The following ALG11 variants were observed in gnomAD, a reference collection of about 807,000 sequenced individuals.
The protein encoded by ALG11 is GDP-Man:Man(3)GlcNAc(2)-PP-Dol alpha-1,2-mannosyltransferase.
A neutral mutation model predicts 38.8 loss-of-function variants in ALG11; 26 were observed. The ratio of observed to expected loss-of-function variants is 0.67; its 90% CI spans 0.49 to 0.93. The LOEUF (loss-of-function observed/expected upper bound fraction) is 0.93, where lower values mean the gene tolerates loss of function less well. Ranked by LOEUF, ALG11 falls within the 40% of genes least tolerant of loss-of-function variation. The pLI is 0.00. For missense variants in ALG11, 535 were observed against 578.8 expected, an observed-to-expected ratio of 0.92 and a Z score of 0.78; for synonymous variants, 199 against 211.6, an observed-to-expected ratio of 0.94 and a Z score of 0.52.
rs1433938950 is a variant in ALG11, at chr13:52,033,522, C to A, written c.*4932C>A. 1 of 166,998 alleles carries A rather than the reference C, an allele frequency of 6.0e-6. No homozygotes were observed. The highest frequency in any genetic ancestry group is 1.5e-5 in the Non-Finnish European group (1 of 68,116). 10.3% of individuals were successfully genotyped at this position (166,998 alleles called of 1,614,324 possible). ...ATGCCTCACATAGTCTCCTTGTTCT[C>A]CTACTAATATTCCCAAGCTCCATAT... On this transcript the variant is annotated 3_prime_UTR_variant, in exon 4 of 4. Coordinates refer to ENST00000521508, the MANE Select transcript of ALG11 (RefSeq NM_001004127.3).
chr13:52,012,543 G>A (rs552971516), intron 1 of ALG11, 81 bp downstream of exon 1: 1 of 1,593,740 alleles, frequency 6.3e-7, no homozygotes, highest in African/African-American at 1.3e-5. Context: ...TAAATTTTGC[G>A]GGCAAATGGC....
rs575212926 is a variant in ALG11, at chr13:52,024,452, C to T, written c.722C>T (p.Ala241Val). The T allele has an allele frequency of 1.2e-6, 2 of 1,614,024 alleles. No individual in the cohort carries two copies. The highest frequency in any genetic ancestry group is 2.2e-5 in the South Asian group (2 of 91,048). The change falls in exon 3 of 4, where the codon GCT (alanine) becomes GTT (valine). Residue 241 changes from alanine to valine, a missense_variant. Physicochemically the swap from Ala to Val is moderately conservative, Grantham distance 64. Transcript: ENST00000521508. ...KVKLIYYYLF[A>V]FIYGLVGSCS... ...AAGCTCATCTACTACTATTTATTTG[C>T]TTTTATTTATGGACTTGTTGGTTCT... is the stretch of plus-strand genomic sequence containing the variant.
In ALG11 at chr13:52,033,597, T is replaced by G. The variant is rs1182625309; in HGVS notation, c.*5007T>G. The G allele has an allele frequency of 6.0e-6, 1 of 166,804 alleles. No individual in the cohort carries two copies. The highest frequency in any genetic ancestry group is 1.5e-5 in the Non-Finnish European group (1 of 68,112). 10.3% of individuals were successfully genotyped at this position (166,804 alleles called of 1,614,324 possible). A position where few individuals can be genotyped will look rare whatever the true frequency, so the allele number is the denominator to read the frequency against. On this transcript the variant is annotated 3_prime_UTR_variant, in exon 4 of 4. Transcript: ENST00000521508. Reference sequence around the variant, plus strand: ...AAAAGTTTGTCTTGCTTGTGAAACATTAAGAAGAGGCTGTCAGGTTTAATA... The same window carrying G: ...AAAAGTTTGTCTTGCTTGTGAAACAGTAAGAAGAGGCTGTCAGGTTTAATA...
Position 52,018,976 on chromosome 13 carries a change from C to T in ALG11, c.108C>T (p.Val36=), listed in dbSNP as rs149789659. ...GTGGAACTTTATGTGTGTGTTTGGT[C>T]ATTGTCCTTTGGGGAATCAGACTGC... The part of the protein sequence containing the change: ...IVCGTLCVCL[V]IVLWGIRLLL... The change falls in exon 2 of 4, where the codon GTC becomes GTT. Residue 36 remains valine, a synonymous_variant. Coordinates refer to ENST00000521508, the MANE Select transcript of ALG11 (RefSeq NM_001004127.3). 13 of 1,613,848 alleles carry T rather than the reference C, an allele frequency of 8.1e-6. No individual in the cohort carries two copies. The highest frequency in any genetic ancestry group is 1.1e-5 in the Non-Finnish European group (13 of 1,179,978).
In ALG11 at chr13:52,024,473, G is replaced by T; in HGVS notation, c.743G>T (p.Gly248Val). The change falls in exon 3 of 4, where the codon GGT (glycine) becomes GTT (valine). Residue 248 changes from glycine (G) to valine (V), a missense_variant. By Grantham distance (109) the Gly-to-Val change is moderately radical. Coordinates refer to ENST00000521508, the MANE Select transcript of ALG11 (RefSeq NM_001004127.3). ...YLFAFIYGLVGSCSDVVMVNS... is the reference protein window; with the variant it reads ...YLFAFIYGLVVSCSDVVMVNS... ...TTTGCTTTTATTTATGGACTTGTTGGTTCTTGCAGTGATGTAGTCATGGTC... is the reference window on the plus strand; with the variant it reads ...TTTGCTTTTATTTATGGACTTGTTGTTTCTTGCAGTGATGTAGTCATGGTC... 6.2e-7 allele frequency: 1 copy of T among 1,614,092 alleles called. No individual in the cohort carries two copies.
chr13:52,020,448 A>G (rs1157893534), intron 2 of ALG11: 1 of 152,132 alleles, frequency 6.6e-6, no homozygotes, highest in East Asian at 1.9e-4. Context: ...GGCCCATCCT[A>G]GCTTCCAGGC....
At chr13:52,027,237 T>TA (rs779660034) in intron 3 of ALG11, among the ~76,000 whole-genome samples, 19 of 152,024 alleles carry the variant, frequency 1.2e-4, no homozygotes, top group Non-Finnish European at 2.6e-4. Context: ...TCAGTAAGTT[T>TA]ATCTGTGAAG....
chr13:52,028,028 A>G (rs1053633419), intron 3 of ALG11, among the ~76,000 whole-genome samples: 3 of 152,078 alleles, frequency 2.0e-5, no homozygotes, highest in African/African-American at 7.2e-5. Flanking sequence ...GGAGGCCAAG[A>G]TGGGAGGACC....
rs1201925182 is a variant in ALG11 at position 52,024,246 on chromosome 13, C to T, written c.516C>T (p.Tyr172=). 1 of 1,613,990 alleles carries T rather than the reference C, an allele frequency of 6.2e-7. No individual in the cohort carries two copies. The highest frequency in any genetic ancestry group is 2.2e-5 in the East Asian group (1 of 44,886). ...TAATGCAGTGTGTTCCTGATGTTTACATTGATTCAATGGGATACGCTTTTA... is the reference window on the plus strand; with the variant it reads ...TAATGCAGTGTGTTCCTGATGTTTATATTGATTCAATGGGATACGCTTTTA... The part of the protein sequence containing the change: ...EALMQCVPDV[Y]IDSMGYAFTL... The change falls in exon 3 of 4, where the codon TAC becomes TAT. Residue 172 remains tyrosine, a synonymous_variant. Coordinates refer to ENST00000521508, the MANE Select transcript of ALG11 (RefSeq NM_001004127.3).
In ALG11 at chr13:52,030,100, T is replaced by G. The variant is rs900469080; in HGVS notation, c.*1510T>G. On this transcript the variant is annotated 3_prime_UTR_variant, in exon 4 of 4. Coordinates refer to ENST00000521508, the MANE Select transcript of ALG11 (RefSeq NM_001004127.3). ...AAAGGCAATCCCTTAGAAAAAGATC[T>G]GAGCTCAACCAGGATGCTGAGCCAG... 5 of 1,614,104 alleles carry G rather than the reference T, an allele frequency of 3.1e-6. No homozygotes were observed. The highest frequency in any genetic ancestry group is 1.3e-5 in the African/African-American group (1 of 74,930).
chr13:52,028,538 AT>A lies in ALG11; in HGVS notation c.1428del (p.Gln477ArgfsTer5), dbSNP rs768501691. 5 of 1,614,094 alleles carry A rather than the reference AT, an allele frequency of 3.1e-6. No homozygotes were observed. Among genetic ancestry groups the A allele is most frequent in the Non-Finnish European group, 4.2e-6 (5 of 1,180,018 alleles). ...CGTGCATCTGTAAGCAGATTCTCTGATCAGGAATTTGAAGTGACATTCCTAT... is the reference window on the plus strand; with the variant it reads ...CGTGCATCTGTAAGCAGATTCTCTGACAGGAATTTGAAGTGACATTCCTAT... ...SARASVSRFSDQEFEVTFLSS... is the reference protein window; with the variant it reads ...SARASVSRFSXQEFEVTFLSS... On this transcript the variant is annotated frameshift_variant, in exon 4 of 4. Transcript: ENST00000521508. LOFTEE classifies it high-confidence loss of function.
At chr13:52,019,258 GTC>G (rs1954164251) in intron 2 of ALG11, 115 bp downstream of exon 2, 5 of 921,700 alleles carry the variant, frequency 5.4e-6, no homozygotes, top group Non-Finnish European at 7.6e-6. Flanking sequence ...GTCTTACTCT[GTC>G]ACCCAGGCTG....
intron 1 of ALG11, chr13:52,016,306 A>G (rs1049019829): frequency 2.0e-5 from 3 of 152,262 alleles, no homozygotes; most frequent in African/African-American, 7.2e-5. Flanking sequence ...CTGACAATGC[A>G]GTAGAAAAGA....
chr13:52,028,883 T>G lies in ALG11; in HGVS notation c.*293T>G, dbSNP rs1195876563. Reference sequence around the variant, plus strand: ...AGTGGATTTGCCAAAAAACTACCCCTTGAGTGAAAATGAAGATGAGGGGGA... The same window carrying G: ...AGTGGATTTGCCAAAAAACTACCCCGTGAGTGAAAATGAAGATGAGGGGGA... On this transcript the variant is annotated 3_prime_UTR_variant, in exon 4 of 4. Coordinates refer to ENST00000521508, the MANE Select transcript of ALG11 (RefSeq NM_001004127.3). 1.2e-6 allele frequency: 2 copies of G among 1,614,160 alleles called. No homozygotes were observed. Among genetic ancestry groups the G allele is most frequent in the Non-Finnish European group, 8.5e-7 (1 of 1,180,014 alleles).
rs201147529 is a variant in ALG11, at chr13:52,030,867, T to G, written c.*2277T>G. 1 of 1,614,190 alleles carries G rather than the reference T, an allele frequency of 6.2e-7. No homozygotes were observed. The highest frequency in any genetic ancestry group is 1.1e-5 in the South Asian group (1 of 91,076). ...CAGGTACAAGTGCTTCCATATCCAT[T>G]TACCCACCATCGGCAATTTGAAAGG... On this transcript the variant is annotated 3_prime_UTR_variant, in exon 4 of 4. Coordinates refer to ENST00000521508, the MANE Select transcript of ALG11 (RefSeq NM_001004127.3).
intron 2 of ALG11, chr13:52,020,579 A>C (rs988553217): frequency 6.6e-6 from 1 of 152,248 alleles, no homozygotes; most frequent in African/African-American, 2.4e-5. Flanking sequence ...TTCTCTAACC[A>C]GATTATCTAC....
rs138107648 is a variant in ALG11, at chr13:52,024,374, T to C, written c.644T>C (p.Ile215Thr). 5.7e-5 allele frequency: 92 copies of C among 1,613,900 alleles called. No individual in the cohort carries two copies. Among genetic ancestry groups the C allele is most frequent in the East Asian group, 2.9e-4 (13 of 44,880 alleles). The change falls in exon 3 of 4, where the codon ATT (isoleucine) becomes ACT (threonine). Residue 215 changes from isoleucine (I) to threonine (T), a missense_variant. By Grantham distance (89) the Ile-to-Thr change is moderately conservative (BLOSUM62 -1). Coordinates refer to ENST00000521508, the MANE Select transcript of ALG11 (RefSeq NM_001004127.3). ...DMLSVVKNQN[I>T]GFNNAAFITR... ...CTCTCTGTAGTGAAGAATCAAAATATTGGATTTAATAATGCAGCCTTCATT... is the reference window on the plus strand; with the variant it reads ...CTCTCTGTAGTGAAGAATCAAAATACTGGATTTAATAATGCAGCCTTCATT...
intron 1 of ALG11, chr13:52,017,447 A>T (rs1448675064): frequency 6.6e-6 from 1 of 152,460 alleles, no homozygotes; most frequent in African/African-American, 2.4e-5. Flanking sequence ...CTCAGTTTGA[A>T]TTGTGTCTCC....
intron 3 of ALG11, among the ~76,000 whole-genome samples, chr13:52,026,443 G>A (rs1332481143): frequency 6.6e-6 from 1 of 152,216 alleles, no homozygotes; most frequent in East Asian, 1.9e-4. Context: ...CATGGGGAGT[G>A]GATCAGTGAA....
Sources: allele counts gnomAD v4.1 joint callset (sites outside exome capture counted in the v4.1 genomes callset), GRCh38; gene constraint gnomAD v4.1.1; transcripts MANE v1.5; gene names NCBI Gene and HGNC (gene_info 2026-07-23, HGNC 2026-07-21).